The following NTM variants were observed in gnomAD, a reference collection of about 807,000 sequenced individuals.
The protein encoded by NTM is IgLON family member 2.
Under a neutral mutation model 42.1 loss-of-function variants are expected in NTM, and 13 were observed. The observed-to-expected ratio is 0.31, with a 90% CI of 0.20 to 0.49. The LOEUF (loss-of-function observed/expected upper bound fraction) is 0.49. NTM is among the 20% of genes least tolerant of loss of function. The pLI is 0.99. For synonymous variants in NTM, 187 were observed against 179.2 expected (o/e 1.04, Z -0.35); for missense variants, 373 against 452.8 (o/e 0.82, Z 1.60).
chr11:131,438,476 G>A (rs969226326), intron 1 of NTM, among the ~76,000 whole-genome samples: 48 of 152,168 alleles, frequency 3.2e-4, no homozygotes, highest in South Asian at 8.3e-4. Context: ...GACTTTGTTC[G>A]TTTCCTTTTA....
At chr11:131,429,869 A>G (rs1029681546) in intron 1 of NTM, among the ~76,000 whole-genome samples, 2 of 152,186 alleles carry the variant, frequency 1.3e-5, no homozygotes, top group Non-Finnish European at 2.9e-5. Flanking sequence ...ATGTGTCCCA[A>G]GGCACTCTGA....
chr11:131,838,983 T>C (rs990907845), intron 1 of NTM, among the ~76,000 whole-genome samples: 66 of 149,516 alleles, frequency 4.4e-4, no homozygotes, highest in African/African-American at 1.6e-3. Context: ...TTTTTTTAGA[T>C]GGAGTCTCGC....
intron 4 of NTM, among the ~76,000 whole-genome samples, chr11:132,304,057 T>G (rs2094976358): frequency 6.6e-6 from 1 of 152,202 alleles, no homozygotes; most frequent in Non-Finnish European, 1.5e-5. Context: ...AGGACGATGA[T>G]CTGTTGCCTT....
At chr11:132,115,764 C>G (rs2063799577) in intron 2 of NTM, among the ~76,000 whole-genome samples, 1 of 152,182 alleles carries the variant, frequency 6.6e-6, no homozygotes, top group African/African-American at 2.4e-5. Context: ...TGTTGCGTTC[C>G]TCTCCCTTCA....
chr11:132,307,686 C>T lies in NTM; in HGVS notation c.527-3C>T. 6.2e-7 allele frequency: 1 copy of T among 1,614,014 alleles called. No individual in the cohort carries two copies. Among genetic ancestry groups the T allele is most frequent in the Non-Finnish European group, 8.5e-7 (1 of 1,179,946 alleles). On this transcript the variant is annotated splice_region_variant and splice_polypyrimidine_tract_variant and intron_variant, in intron 4 of 8. Coordinates refer to ENST00000683400, the MANE Select transcript of NTM (RefSeq NM_001352005.2). ...TCACCACACGTTACCGGTTTTCCCG[C>T]AGCGGTTGGCTTTGTGAGTGAAGAC...
chr11:131,421,212 TG>T (rs1230728695), intron 1 of NTM, among the ~76,000 whole-genome samples: 1 of 152,210 alleles, frequency 6.6e-6, no homozygotes, highest in Non-Finnish European at 1.5e-5. Context: ...CCTCCTCCCC[TG>T]GAGCCTAGGG....
intron 2 of NTM, among the ~76,000 whole-genome samples, chr11:132,008,217 A>AC (rs1356381445): frequency 6.6e-6 from 1 of 152,024 alleles, no homozygotes; most frequent in Non-Finnish European, 1.5e-5. Context: ...CGCTCACTTT[A>AC]CCCCTCGCCA....
intron 1 of NTM, among the ~76,000 whole-genome samples, chr11:131,849,966 T>TATA (rs10605011): frequency 0.02 from 2,939 of 146,748 alleles, 77 homozygotes; most frequent in African/African-American, 0.058. Context: ...AAACTTAAAG[T>TATA]ATAATAATAA....
intron 1 of NTM, among the ~76,000 whole-genome samples, chr11:131,563,033 T>C (rs2056431996): frequency 6.6e-6 from 1 of 152,154 alleles, no homozygotes; most frequent in Admixed American, 6.5e-5. Flanking sequence ...TCCATCTCTG[T>C]CCCGCTTCTC....
At chr11:132,264,045 A>G (rs2093029943) in intron 4 of NTM, among the ~76,000 whole-genome samples, 1 of 152,172 alleles carries the variant, frequency 6.6e-6, no homozygotes, top group Admixed American at 6.5e-5. Context: ...GTCATAGGGC[A>G]TGTTTATTTT....
At chr11:131,499,376 G>C (rs1300381408) in intron 1 of NTM, among the ~76,000 whole-genome samples, 1 of 152,014 alleles carries the variant, frequency 6.6e-6, no homozygotes, top group Non-Finnish European at 1.5e-5. Context: ...GTTGCAACAG[G>C]AACAGTGCCT....
intron 1 of NTM, among the ~76,000 whole-genome samples, chr11:131,856,838 C>T (rs75241359): frequency 0.034 from 5,128 of 152,272 alleles, 291 homozygotes; most frequent in African/African-American, 0.12. Context: ...GCCCATTTTA[C>T]AGGCAAGGAC....
In NTM at chr11:131,401,830, A is replaced by ATATGTG. The variant is rs1555101789; in HGVS notation, c.82+30945_82+30946insGTGTAT. Among the ~76,000 whole-genome samples, 52 of 65,330 alleles carry ATATGTG rather than the reference A, an allele frequency of 8.0e-4. 2 individuals are homozygous for ATATGTG. The highest frequency in any genetic ancestry group is 3.3e-3 in the African/African-American group (46 of 13,930). 42.9% of individuals were successfully genotyped at this position (65,330 alleles called of 152,430 possible). On this transcript the variant is annotated intron_variant, in intron 1 of 8. Transcript: ENST00000683400. ...TATATATATATATATATATATATAT[A>ATATGTG]TATATATATATATATATATATATAT...
chr11:132,247,571 A>C (rs1399208399), intron 4 of NTM, among the ~76,000 whole-genome samples: 1 of 152,192 alleles, frequency 6.6e-6, no homozygotes, highest in Non-Finnish European at 1.5e-5. Flanking sequence ...GAAGTGCAAA[A>C]TTGTTTGGTT....
intron 3 of NTM, among the ~76,000 whole-genome samples, chr11:132,197,629 C>T (rs1235855015): frequency 4.7e-5 from 7 of 147,848 alleles, no homozygotes; most frequent in Non-Finnish European, 7.5e-5. Flanking sequence ...GGTATATCTC[C>T]TAATGCTATC....
intron 7 of NTM, among the ~76,000 whole-genome samples, chr11:132,316,850 ATTTG>A (rs570836616): frequency 7.0e-4 from 107 of 152,286 alleles, no homozygotes; most frequent in Middle Eastern, 3.4e-3. Context: ...ACAAATATGA[ATTTG>A]TTTGTTTGTT....
intron 1 of NTM, among the ~76,000 whole-genome samples, chr11:131,692,786 A>G (rs1409621724): frequency 6.6e-6 from 1 of 152,200 alleles, no homozygotes; most frequent in Non-Finnish European, 1.5e-5. Context: ...TCAGGGTTAT[A>G]GACCCTGAAA....
chr11:131,572,949 C>G (rs977489181), intron 1 of NTM, among the ~76,000 whole-genome samples: 3 of 152,182 alleles, frequency 2.0e-5, no homozygotes, highest in African/African-American at 7.2e-5. Flanking sequence ...TCTTGTCTGT[C>G]TGCTCCCCAT....
chr11:132,058,335 G>C (rs550966935), intron 2 of NTM, among the ~76,000 whole-genome samples: 1 of 152,280 alleles, frequency 6.6e-6, no homozygotes, highest in Admixed American at 6.5e-5. Flanking sequence ...CAGTGCTCTG[G>C]TCCTGGCTGT....
Sources: allele counts gnomAD v4.1 joint callset (sites outside exome capture counted in the v4.1 genomes callset), GRCh38; gene constraint gnomAD v4.1.1; transcripts MANE v1.5; gene names NCBI Gene and HGNC (gene_info 2026-07-23, HGNC 2026-07-21).